The following TPR variants were observed in gnomAD, a reference collection of about 807,000 sequenced individuals.
TPR encodes the protein translocated promoter region, nuclear basket protein.
Under a neutral mutation model 316.1 loss-of-function variants are expected in TPR, and 51 were observed. The observed-to-expected ratio is 0.16, with a 90% CI of 0.13 to 0.20. The LOEUF (loss-of-function observed/expected upper bound fraction) is 0.20. Among genes scored for constraint, TPR ranks in the 10% least tolerant of loss-of-function variants. The pLI, the probability that TPR is intolerant of heterozygous loss-of-function variation, is 1.00. For missense variants in TPR, 2,272 were observed against 2,754.8 expected, an observed-to-expected ratio of 0.82 and a Z score of 3.92; for synonymous variants, 981 against 914.7, an observed-to-expected ratio of 1.07 and a Z score of -1.31.
chr1:186,375,236 C>A lies in TPR; in HGVS notation c.-208G>T. ...CGGCAGCGTTTCAGCAACAGCACCT[C>A]ACCGCCCGCGACCGAAGTGCGCGCG... is the stretch of plus-strand genomic sequence containing the variant. On this transcript the variant is annotated 5_prime_UTR_variant, in exon 1 of 51. Transcript: ENST00000367478. 1 of 1,458,350 alleles carries A rather than the reference C, an allele frequency of 6.9e-7. No homozygotes were observed. Among genetic ancestry groups the A allele is most frequent in the Non-Finnish European group, 9.1e-7 (1 of 1,103,462 alleles). The allele number at this position is 1,458,350 out of a possible 1,614,324, so 90.3% of individuals were successfully genotyped here. A position where few individuals can be genotyped will look rare whatever the true frequency, so the allele number is the denominator to read the frequency against.
intron 24 of TPR, among the ~76,000 whole-genome samples, chr1:186,344,868 A>AT (rs1658628391): frequency 6.6e-6 from 1 of 152,160 alleles, no homozygotes; most frequent in Admixed American, 6.5e-5. Context: ...TTTTAATGAA[A>AT]TTTACTTTGA....
chr1:186,312,236 G>C lies in TPR; in HGVS notation c.*1735C>G, dbSNP rs765843977. 1.1e-5 allele frequency: 17 copies of C among 1,613,924 alleles called. No individual in the cohort carries two copies. The highest frequency in any genetic ancestry group is 3.4e-6 in the Non-Finnish European group (4 of 1,179,966). ...CTGTACAGAAGTGCCCTGGAAGAAG[G>C]CCTGCTCTAAATTATCCAGTGTATG... On this transcript the variant is annotated 3_prime_UTR_variant, in exon 51 of 51. Transcript: ENST00000367478.
At chr1:186,341,006 G>T in intron 29 of TPR, 22 bp downstream of exon 29, 1 of 1,595,570 alleles carries the variant, frequency 6.3e-7, no homozygotes, top group Non-Finnish European at 8.5e-7. Context: ...CCATGTTTTG[G>T]AAGAGTTTTA....
intron 43 of TPR, 79 bp downstream of exon 43, chr1:186,323,607 G>C (rs1168913949): frequency 4.7e-5 from 61 of 1,285,704 alleles, no homozygotes; most frequent in Non-Finnish European, 5.8e-5. Context: ...AAGAGAGAGA[G>C]AGAAATACAT....
At chr1:186,351,573 C>T (rs1299849640) in intron 19 of TPR, 103 bp from the exon 20 acceptor site, 19 of 1,239,006 alleles carry the variant, frequency 1.5e-5, no homozygotes, top group Non-Finnish European at 1.9e-5. Flanking sequence ...CCCATTTCTA[C>T]ATGAAGCAGC....
intron 50 of TPR, 160 bp from the exon 51 acceptor site, chr1:186,314,186 C>T: frequency 1.6e-6 from 1 of 612,414 alleles, no homozygotes; most frequent in Non-Finnish European, 2.7e-6. Flanking sequence ...GCAGATTAAT[C>T]CCTCTTTTTG....
Position 186,374,993 on chromosome 1 carries a change from C to G in TPR, c.36G>C (p.Thr12=). 3 of 1,614,148 alleles carry G rather than the reference C, an allele frequency of 1.9e-6. No individual in the cohort carries two copies. The highest frequency in any genetic ancestry group is 2.2e-5 in the South Asian group (2 of 91,092). The change falls in exon 1 of 51, where the codon ACG becomes ACC. Residue 12 remains threonine, a synonymous_variant. Coordinates refer to ENST00000367478, the MANE Select transcript of TPR (RefSeq NM_003292.3). The part of the protein sequence containing the change: ...AAVLQQVLER[T]ELNKLPKSVQ... ...CAGACTTGGGCAGCTTGTTCAGCTC[C>G]GTGCGCTCCAGGACTTGCTGCAACA... is the stretch of plus-strand genomic sequence containing the variant.
At chr1:186,359,109 A>C (rs564489228) in intron 12 of TPR, among the ~76,000 whole-genome samples, 1 of 152,156 alleles carries the variant, frequency 6.6e-6, no homozygotes, top group African/African-American at 2.4e-5. Flanking sequence ...AACAAAAGGG[A>C]AACAATTTAT....
intron 18 of TPR, among the ~76,000 whole-genome samples, chr1:186,352,812 G>T (rs1658905255): frequency 6.6e-6 from 1 of 152,056 alleles, no homozygotes; most frequent in East Asian, 1.9e-4. Flanking sequence ...CCCAAAATAG[G>T]CAAATTATAC....
chr1:186,370,883 T>C (rs989404709), intron 3 of TPR, 87 bp downstream of exon 3: 35 of 1,148,992 alleles, frequency 3.0e-5, no homozygotes, highest in Non-Finnish European at 4.3e-5. Flanking sequence ...CATCTTCCCA[T>C]TGACTAATAA....
chr1:186,347,060 C>T (rs1373170442), intron 22 of TPR, among the ~76,000 whole-genome samples: 1 of 152,196 alleles, frequency 6.6e-6, no homozygotes, highest in Non-Finnish European at 1.5e-5. Flanking sequence ...ACCTCTCAGT[C>T]TCCTCAACAT....
At chr1:186,329,146 A>T (rs1658082513) in intron 39 of TPR, among the ~76,000 whole-genome samples, 1 of 152,184 alleles carries the variant, frequency 6.6e-6, no homozygotes. Context: ...TGGAATAAAA[A>T]TCCAAATGGT....
intron 17 of TPR, among the ~76,000 whole-genome samples, chr1:186,354,619 T>C (rs1658968863): frequency 6.6e-6 from 1 of 152,146 alleles, no homozygotes; most frequent in Non-Finnish European, 1.5e-5. Flanking sequence ...TAAAAATAAA[T>C]ATTGTCCTAA....
chr1:186,337,475 G>GA (rs1462990933), intron 31 of TPR, among the ~76,000 whole-genome samples: 1 of 152,018 alleles, frequency 6.6e-6, no homozygotes, highest in Non-Finnish European at 1.5e-5. Context: ...TATTTCTTTG[G>GA]AAAAACGTCG....
intron 11 of TPR, 56 bp from the exon 12 acceptor site, chr1:186,360,052 T>A: frequency 6.5e-7 from 1 of 1,536,644 alleles, no homozygotes; most frequent in East Asian, 2.2e-5. Flanking sequence ...AAATATTTAG[T>A]TGATCTAGTT....
At chr1:186,359,772 C>T (rs764735053) in intron 12 of TPR, 27 bp downstream of exon 12, 29 of 1,566,892 alleles carry the variant, frequency 1.9e-5, no homozygotes, top group East Asian at 1.4e-4. Flanking sequence ...ATTGTTACCA[C>T]GGCTAAATTT....
intron 42 of TPR, 101 bp downstream of exon 42, chr1:186,325,663 T>A: frequency 5.3e-6 from 5 of 943,204 alleles, no homozygotes; most frequent in Non-Finnish European, 7.8e-6. Context: ...AATCTCTTTT[T>A]ACCAATTCAA....
At chr1:186,367,105 C>T (rs1288745341) in intron 4 of TPR, among the ~76,000 whole-genome samples, 3 of 129,652 alleles carry the variant, frequency 2.3e-5, no homozygotes, top group South Asian at 2.5e-4. Flanking sequence ...CTAGCTCTGT[C>T]GCCCAGGCTG....
At chr1:186,368,087 G>A in intron 3 of TPR, 105 bp from the exon 4 acceptor site, 1 of 649,792 alleles carries the variant, frequency 1.5e-6, no homozygotes, top group Non-Finnish European at 2.5e-6. Flanking sequence ...GTAAATGACT[G>A]GCTTTCTCTT....
Sources: allele counts gnomAD v4.1 joint callset (sites outside exome capture counted in the v4.1 genomes callset), GRCh38; gene constraint gnomAD v4.1.1; transcripts MANE v1.5; gene names NCBI Gene and HGNC (gene_info 2026-07-23, HGNC 2026-07-21).